The following GPR4 variants were observed in gnomAD, a reference collection of about 807,000 sequenced individuals.
The protein encoded by GPR4 is G protein-coupled receptor 4.
Under a neutral mutation model 17.8 loss-of-function variants are expected in GPR4, and 11 were observed. The observed-to-expected ratio is 0.62, with a 90% CI of 0.39 to 1.02. The LOEUF (loss-of-function observed/expected upper bound fraction) is 1.02. GPR4 is among the 50% of genes least tolerant of loss of function. The pLI, the probability that GPR4 is intolerant of heterozygous loss-of-function variation, is 0.00. For synonymous variants in GPR4, 219 were observed against 222.8 expected (o/e 0.98, Z 0.15); for missense variants, 364 against 495.4 (o/e 0.73, Z 2.52).
Position 45,591,632 on chromosome 19 carries a change from G to T in GPR4, c.235C>A (p.His79Asn). 2 of 1,614,140 alleles carry T rather than the reference G, an allele frequency of 1.2e-6. No individual in the cohort carries two copies. Among genetic ancestry groups the T allele is most frequent in the Non-Finnish European group, 1.7e-6 (2 of 1,179,994 alleles). Residue 79 changes from histidine (H) to asparagine (N), a missense_variant, in exon 2 of 2, where the codon CAC (histidine) becomes AAC (asparagine). By Grantham distance (68) the His-to-Asn change is moderately conservative. This residue lies in a region of GPR4 where 271 missense variants were observed against 373.1 expected (regional missense o/e 0.73). Coordinates refer to ENST00000323040, the MANE Select transcript of GPR4 (RefSeq NM_005282.3). The surrounding 1 kb of genome is among the most constrained non-coding windows in gnomAD (Gnocchi z 7.6). ...GGGCCGTGGATCCAGTTGTCGTGGT[G>T]CAGGAAGTAGTCCACCCACAGCGGC... ...TLPLWVDYFL[H>N]HDNWIHGPGS...
intron 1 of GPR4, among the ~76,000 whole-genome samples, chr19:45,596,534 T>G (rs964249670): frequency 2.0e-5 from 3 of 150,504 alleles, no homozygotes; most frequent in African/African-American, 7.3e-5. Context: ...AATCAGCTCT[T>G]TCTTTTCTTC....
chr19:45,591,907 G>T lies in GPR4; in HGVS notation c.-41C>A, dbSNP rs868401454. ...TTCTGGGGCGCTTCCCCTGGCCCAC[G>T]GGGGCTGTGGGGCCACAGGGAGCGG... On this transcript the variant is annotated 5_prime_UTR_variant, in exon 2 of 2. Transcript: ENST00000323040. The surrounding 1 kb of genome is among the most constrained non-coding windows in gnomAD (Gnocchi z 7.6). The T allele has an allele frequency of 6.6e-7, 1 of 1,522,764 alleles. No individual in the cohort carries two copies. The highest frequency in any genetic ancestry group is 1.4e-5 in the African/African-American group (1 of 71,964). 94.3% of individuals were successfully genotyped at this position (1,522,764 alleles called of 1,614,324 possible). A position where few individuals can be genotyped will look rare whatever the true frequency, so the allele number is the denominator to read the frequency against.
intron 1 of GPR4, among the ~76,000 whole-genome samples, chr19:45,601,296 G>T (rs1047240170): frequency 6.6e-6 from 1 of 152,204 alleles, no homozygotes; most frequent in Admixed American, 6.5e-5. Flanking sequence ...CCAGTTCCAG[G>T]GGGGAGAGTG....
chr19:45,598,214 G>A (rs1970077339), intron 1 of GPR4, among the ~76,000 whole-genome samples: 2 of 152,100 alleles, frequency 1.3e-5, no homozygotes, highest in Admixed American at 1.3e-4. Flanking sequence ...ATCACAGACC[G>A]GAACGTCCTT....
In GPR4 at chr19:45,591,779, C is replaced by T. The variant is rs770079267; in HGVS notation, c.88G>A (p.Val30Met). ...GCCAGGCAGTTGGTGGGCAGCCCCA[C>T]GCCGATGACAAAGATGTAGAGGGAT... ...PPSLYIFVIG[V>M]GLPTNCLALW... is the part of the protein sequence containing the mutation. The change falls in exon 2 of 2, where the codon GTG becomes ATG. Residue 30 changes from valine (V) to methionine (M), a missense_variant. Val to Met is a conservative substitution (Grantham distance 21). Around this residue, in one of 3 missense-constraint regions of GPR4, gnomAD observed 271 missense variants for 373.1 expected, o/e 0.73. Transcript: ENST00000323040. This position sits in a 1 kb window ranked among gnomAD's most constrained non-coding sequence, Gnocchi z 7.6. The T allele has an allele frequency of 6.2e-7, 1 of 1,612,976 alleles. No homozygotes were observed. Among genetic ancestry groups the T allele is most frequent in the Non-Finnish European group, 8.5e-7 (1 of 1,179,626 alleles).
At chr19:45,599,425 C>CT (rs1970090469) in intron 1 of GPR4, among the ~76,000 whole-genome samples, 1 of 149,956 alleles carries the variant, frequency 6.7e-6, no homozygotes, top group Non-Finnish European at 1.5e-5. Flanking sequence ...CTGCTCCCAC[C>CT]ACCCCCCCCT....
chr19:45,601,180 CCCCAATG>C (rs1305613430), intron 1 of GPR4, among the ~76,000 whole-genome samples: 1 of 152,160 alleles, frequency 6.6e-6, no homozygotes, highest in African/African-American at 2.4e-5. Flanking sequence ...CAAACAAATT[CCCCAATG>C]CATATCCAGC....
In GPR4 at chr19:45,591,618, C is replaced by T; in HGVS notation, c.249G>A (p.Trp83Ter). ...WVDYFLHHDNWIHGPGSCKLF... is the reference protein window; with the variant it reads ...WVDYFLHHDN ...GCTTGCAGGACCCGGGGCCGTGGAT[C>T]CAGTTGTCGTGGTGCAGGAAGTAGT... The change falls in exon 2 of 2, where the codon TGG becomes TGA. Residue 83 changes from tryptophan (W) to a stop codon, truncating the protein, a stop_gained. Transcript: ENST00000323040. LOFTEE classifies it high-confidence loss of function. This position sits in a 1 kb window ranked among gnomAD's most constrained non-coding sequence, Gnocchi z 7.6. The T allele has an allele frequency of 6.2e-7, 1 of 1,614,112 alleles. No individual in the cohort carries two copies. Among genetic ancestry groups the T allele is most frequent in the Non-Finnish European group, 8.5e-7 (1 of 1,179,990 alleles).
chr19:45,591,246 G>A lies in GPR4; in HGVS notation c.621C>T (p.Ala207=), dbSNP rs147982637. The A allele has an allele frequency of 1.9e-6, 3 of 1,613,260 alleles. No individual in the cohort carries two copies. The highest frequency in any genetic ancestry group is 2.7e-5 in the African/African-American group (2 of 75,052). Residue 207 remains alanine (A), a synonymous_variant, in exon 2 of 2, where the codon GCC becomes GCT. Coordinates refer to ENST00000323040, the MANE Select transcript of GPR4 (RefSeq NM_005282.3). The surrounding 1 kb of genome is among the most constrained non-coding windows in gnomAD (Gnocchi z 7.6). ...MLLSYRGILR[A]VRGSVSTERQ... is the part of the protein sequence containing the mutation. ...GCTCGGTGGACACGCTGCCCCGCACGGCCCGCAGGATGCCCCGGTACGACA... is the reference window on the plus strand; with the variant it reads ...GCTCGGTGGACACGCTGCCCCGCACAGCCCGCAGGATGCCCCGGTACGACA...
intron 1 of GPR4, among the ~76,000 whole-genome samples, chr19:45,593,134 G>A (rs1229032860): frequency 6.7e-6 from 1 of 149,520 alleles, no homozygotes; most frequent in East Asian, 2.0e-4. Flanking sequence ...GGGGATTCAG[G>A]CTGTAGTGAG....
intron 1 of GPR4, among the ~76,000 whole-genome samples, chr19:45,601,677 C>T (rs1970113529): frequency 6.6e-6 from 1 of 151,800 alleles, no homozygotes; most frequent in Admixed American, 6.6e-5. Flanking sequence ...AGGGAGAGAG[C>T]AAAGAGATAC....
chr19:45,594,035 C>T, intron 1 of GPR4, among the ~76,000 whole-genome samples: 1 of 82,252 alleles, frequency 1.2e-5, no homozygotes, highest in South Asian at 4.1e-4. Context: ...CATGCACCAC[C>T]ATGCCTGGCT....
intron 1 of GPR4, among the ~76,000 whole-genome samples, chr19:45,596,140 ACT>A (rs1970055764): frequency 6.6e-6 from 1 of 151,362 alleles, no homozygotes; most frequent in Non-Finnish European, 1.5e-5. Flanking sequence ...TTTCTGGGCT[ACT>A]CTGGCTTCCT....
At chr19:45,595,263 C>T (rs905680661) in intron 1 of GPR4, among the ~76,000 whole-genome samples, 1 of 148,828 alleles carries the variant, frequency 6.7e-6, no homozygotes, top group Non-Finnish European at 1.5e-5. Flanking sequence ...GCAACAAGAG[C>T]GAACTCCATC....
At position 45,591,255 on chromosome 19, in the gene GPR4, G is replaced by T. The variant is rs1336893466; in HGVS notation, c.612C>A (p.Ile204=). 3.1e-6 allele frequency: 5 copies of T among 1,613,270 alleles called. No individual in the cohort carries two copies. The Admixed American group carries it at 6.7e-5, about 22-fold the overall frequency. The change falls in exon 2 of 2, where the codon ATC becomes ATA. Residue 204 remains isoleucine, a synonymous_variant. Coordinates refer to ENST00000323040, the MANE Select transcript of GPR4 (RefSeq NM_005282.3). The surrounding 1 kb of genome is among the most constrained non-coding windows in gnomAD (Gnocchi z 7.6). The stretch of plus-strand genomic sequence containing the variant: ...ACACGCTGCCCCGCACGGCCCGCAG[G>T]ATGCCCCGGTACGACAGCAGCATGA... ...WALMLLSYRG[I]LRAVRGSVST...
chr19:45,597,471 CCT>C (rs1970069305), intron 1 of GPR4, among the ~76,000 whole-genome samples: 4 of 152,154 alleles, frequency 2.6e-5, no homozygotes, highest in African/African-American at 9.7e-5. Flanking sequence ...CTCACATCAC[CCT>C]GTTTTGTTTG....
intron 1 of GPR4, among the ~76,000 whole-genome samples, chr19:45,593,157 C>T (rs920029700): frequency 2.7e-5 from 4 of 145,536 alleles, no homozygotes; most frequent in African/African-American, 5.2e-5. Flanking sequence ...ATAATCACAC[C>T]ACGGCACTCC....
intron 1 of GPR4, among the ~76,000 whole-genome samples, chr19:45,597,409 G>C (rs538166956): frequency 6.6e-6 from 1 of 151,934 alleles, no homozygotes; most frequent in Non-Finnish European, 1.5e-5. Context: ...TCACTTCCTC[G>C]GGAGTCCCTC....
intron 1 of GPR4, among the ~76,000 whole-genome samples, chr19:45,594,053 A>T (rs1970027121): frequency 3.0e-5 from 1 of 33,236 alleles, no homozygotes; most frequent in African/African-American, 2.7e-4. Flanking sequence ...GCTTAAAAAA[A>T]AAAAAAAAAA....
Sources: gnomAD v4.1 joint callset for allele counts (sites outside exome capture counted in the v4.1 genomes callset) on GRCh38, gnomAD v4.1.1 for gene constraint, gnomAD v4.1.1 regional missense constraint, Gnocchi (gnomAD v3.1) non-coding constraint, MANE v1.5 for transcripts, NCBI Gene and HGNC (gene_info 2026-07-23, HGNC 2026-07-21) for gene names.